MTMR8: variants seen among roughly 807,000 people sequenced by gnomAD.
The protein encoded by MTMR8 is phosphatidylinositol-3,5-bisphosphate 3-phosphatase MTMR8.
A neutral mutation model predicts 39.3 loss-of-function variants in MTMR8; 65 were observed. The observed-to-expected ratio is 1.65, with a 90% CI of 1.35 to 2.03. MTMR8 has a LOEUF of 2.03. Ranked by LOEUF, MTMR8 falls within the 30% of genes most tolerant of loss-of-function variation. The probability of loss-of-function intolerance (pLI) is 0.00; values close to 1 mark genes in which losing one functional copy is unlikely to be tolerated. For missense variants in MTMR8, 777 were observed against 538.9 expected, an observed-to-expected ratio of 1.44 and a Z score of -4.37; for synonymous variants, 245 against 185.2, an observed-to-expected ratio of 1.32 and a Z score of -2.62.
intron 1 of MTMR8, among the ~76,000 whole-genome samples, chrX:64,385,435 T>C (rs781267462): frequency 2.0e-3 from 221 of 112,187 alleles, no homozygotes; most frequent in Non-Finnish European, 3.2e-3. Flanking sequence ...GGTATCTTTA[T>C]AGTAATGCCC....
At chrX:64,272,170 G>A (rs1004839203) in intron 12 of MTMR8, among the ~76,000 whole-genome samples, 1 of 111,477 alleles carries the variant, frequency 9.0e-6, no homozygotes, top group African/African-American at 3.3e-5. Context: ...TGCAGAAAAA[G>A]GGTAACACAA....
At chrX:64,394,260 G>C (rs753961354) in intron 1 of MTMR8, among the ~76,000 whole-genome samples, 1 of 111,812 alleles carries the variant, frequency 8.9e-6, no homozygotes, top group Non-Finnish European at 1.9e-5. Flanking sequence ...CCCACAACAC[G>C]TGAGAATTAC....
intron 1 of MTMR8, among the ~76,000 whole-genome samples, chrX:64,369,990 G>A (rs979551644): frequency 1.8e-5 from 2 of 111,363 alleles, no homozygotes; most frequent in Non-Finnish European, 3.8e-5. Flanking sequence ...TGTTTTGAAA[G>A]ATGCATTCTA....
At chrX:64,303,400 ATACTC>A (rs761834066) in intron 12 of MTMR8, among the ~76,000 whole-genome samples, 1 of 112,591 alleles carries the variant, frequency 8.9e-6, no homozygotes, top group Non-Finnish European at 1.9e-5. Context: ...CACTGCAAAA[ATACTC>A]TAGTTCAACA....
In MTMR8 at chrX:64,356,175, C is replaced by A. The variant is rs751087005; in HGVS notation, c.310+1G>T. ...TTAGATAAAAATACTATCATAACTA[C>A]CTGGCTGAGAAAGCTTGAGCAGTGA... On this transcript the variant is annotated splice_donor_variant, in intron 3 of 13. Transcript: ENST00000374852. LOFTEE classifies it high-confidence loss of function. 2.0e-5 allele frequency: 24 copies of A among 1,200,200 alleles called. No individual in the cohort carries two copies. The highest frequency in any genetic ancestry group is 1.1e-4 in the Admixed American group (5 of 44,591).
At chrX:64,293,363 C>T (rs1448072954) in intron 12 of MTMR8, among the ~76,000 whole-genome samples, 1 of 111,270 alleles carries the variant, frequency 9.0e-6, no homozygotes, top group Admixed American at 9.6e-5. Flanking sequence ...CCCTTCTAGA[C>T]CAAGCAAACC....
intron 11 of MTMR8, 81 bp from the exon 12 acceptor site, chrX:64,328,981 C>A (rs1922875418): frequency 1.1e-6 from 1 of 948,366 alleles, no homozygotes; most frequent in African/African-American, 2.0e-5. Flanking sequence ...TGATAAGCAG[C>A]AAATTTTACT....
chrX:64,321,389 AAAAAC>A (rs1397600100), intron 12 of MTMR8, among the ~76,000 whole-genome samples: 1 of 112,266 alleles, frequency 8.9e-6, no homozygotes, highest in Non-Finnish European at 1.9e-5. Flanking sequence ...CAGAAATAAT[AAAAAC>A]AAAACAAAAC....
chrX:64,359,296 G>T, intron 2 of MTMR8, 109 bp downstream of exon 2: 1 of 821,308 alleles, frequency 1.2e-6, no homozygotes, highest in Non-Finnish European at 1.6e-6. Context: ...TGAAGAAAAG[G>T]TTTTACAGCA....
chrX:64,336,976 C>T (rs1923093138), intron 9 of MTMR8, among the ~76,000 whole-genome samples: 1 of 111,677 alleles, frequency 9.0e-6, no homozygotes, highest in Non-Finnish European at 1.9e-5. Context: ...CTTGGACAGT[C>T]TATTTGACAG....
In MTMR8 at chrX:64,336,278, G is replaced by T. The variant is rs753509634; in HGVS notation, c.1102-150C>A. On this transcript the variant is annotated intron_variant, in intron 9 of 13. Coordinates refer to ENST00000374852, the MANE Select transcript of MTMR8 (RefSeq NM_017677.4). ...AAATGATAAATAAGTAAGTAACTTA[G>T]ATTTCATTCATAAGCCTATACAGGG... 1.7e-5 allele frequency: 7 copies of T among 408,628 alleles called. No individual in the cohort carries two copies. In the East Asian group the frequency reaches 3.1e-4, roughly 18 times the overall value. The allele number at this position is 408,628 out of a possible 1,213,427, so 33.7% of individuals were successfully genotyped here.
chrX:64,352,138 G>A (rs1169253270), intron 4 of MTMR8, among the ~76,000 whole-genome samples: 2 of 111,596 alleles, frequency 1.8e-5, no homozygotes, highest in South Asian at 3.8e-4. Flanking sequence ...ACACTAAGCA[G>A]AACGTGCCTA....
chrX:64,302,704 C>T (rs1056177060), intron 12 of MTMR8, among the ~76,000 whole-genome samples: 4 of 112,358 alleles, frequency 3.6e-5, no homozygotes, highest in Admixed American at 9.4e-5. Context: ...ATATAGCCCA[C>T]ATGAGTATAT....
At chrX:64,339,198 A>G (rs1923153037) in intron 8 of MTMR8, among the ~76,000 whole-genome samples, 1 of 111,267 alleles carries the variant, frequency 9.0e-6, no homozygotes, top group African/African-American at 3.3e-5. Context: ...GTGACAAAAG[A>G]AAAGACCTTA....
intron 12 of MTMR8, among the ~76,000 whole-genome samples, chrX:64,297,763 G>T (rs1240176653): frequency 9.0e-6 from 1 of 110,675 alleles, no homozygotes. Flanking sequence ...TTTGTATAAG[G>T]TGTAAGGAAA....
chrX:64,311,784 T>G (rs1260113131), intron 12 of MTMR8, among the ~76,000 whole-genome samples: 1 of 106,593 alleles, frequency 9.4e-6, no homozygotes, highest in Admixed American at 1.0e-4. Flanking sequence ...TTTTTTTTTT[T>G]GGCAGGTTTG....
At chrX:64,373,184 G>A in intron 1 of MTMR8, among the ~76,000 whole-genome samples, 1 of 112,281 alleles carries the variant, frequency 8.9e-6, no homozygotes, top group East Asian at 2.8e-4. Flanking sequence ...GTTAAGTGGT[G>A]AGGTAAAGGC....
chrX:64,282,176 T>A (rs1329577189), intron 12 of MTMR8, among the ~76,000 whole-genome samples: 1 of 111,669 alleles, frequency 9.0e-6, no homozygotes, highest in Non-Finnish European at 1.9e-5. Context: ...TCCTCAATGA[T>A]CTAGAGCCAG....
chrX:64,378,278 TA>T (rs775540041), intron 1 of MTMR8, among the ~76,000 whole-genome samples: 1 of 112,255 alleles, frequency 8.9e-6, no homozygotes, highest in Non-Finnish European at 1.9e-5. Context: ...ACATATTTTT[TA>T]ATATGATCAT....
Sources: gnomAD v4.1 joint callset for allele counts (sites outside exome capture counted in the v4.1 genomes callset) on GRCh38, gnomAD v4.1.1 for gene constraint, MANE v1.5 for transcripts, NCBI Gene and HGNC (gene_info 2026-07-23, HGNC 2026-07-21) for gene names.